The following PTPRC variants were observed in gnomAD, a reference collection of about 807,000 sequenced individuals.
PTPRC encodes protein tyrosine phosphatase receptor type C, also known as receptor-type tyrosine-protein phosphatase C.
A neutral mutation model predicts 155.9 loss-of-function variants in PTPRC; 44 were observed. The ratio of observed to expected loss-of-function variants is 0.28; its 90% CI spans 0.22 to 0.36. The LOEUF (loss-of-function observed/expected upper bound fraction) is 0.36. PTPRC is among the 10% of genes least tolerant of loss of function. PTPRC has a pLI of 1.00. For missense variants in PTPRC, 1,401 were observed against 1,564.6 expected, an observed-to-expected ratio of 0.90 and a Z score of 1.76; for synonymous variants, 525 against 533.1, an observed-to-expected ratio of 0.98 and a Z score of 0.21.
At chr1:198,734,277 A>G in intron 21 of PTPRC, 45 bp downstream of exon 21, 1 of 1,609,218 alleles carries the variant, frequency 6.2e-7, no homozygotes, top group Non-Finnish European at 8.5e-7. Context: ...AAATTTTTAT[A>G]GCACTTTTAA....
intron 6 of PTPRC, 104 bp from the exon 7 acceptor site, chr1:198,703,194 G>T (rs937549953): frequency 9.2e-6 from 14 of 1,528,058 alleles, no homozygotes; most frequent in Non-Finnish European, 1.2e-5. Flanking sequence ...AGGACTCCTA[G>T]AGCAAAGATG....
intron 14 of PTPRC, among the ~76,000 whole-genome samples, chr1:198,721,998 C>T (rs1653911584): frequency 6.6e-6 from 1 of 150,892 alleles, no homozygotes; most frequent in Admixed American, 6.6e-5. Context: ...TCCATTTGCC[C>T]TTAAAAAAAT....
chr1:198,684,573 GAGTA>G (rs1463096930), intron 2 of PTPRC, among the ~76,000 whole-genome samples: 1 of 151,880 alleles, frequency 6.6e-6, no homozygotes, highest in African/African-American at 2.4e-5. Context: ...ATAAGGCCTA[GAGTA>G]AGTAAGAACA....
At chr1:198,689,626 C>T (rs990135113) in intron 2 of PTPRC, among the ~76,000 whole-genome samples, 3 of 152,132 alleles carry the variant, frequency 2.0e-5, no homozygotes, top group African/African-American at 4.8e-5. Flanking sequence ...TTTTCAAGGC[C>T]TACAGTGCTT....
At chr1:198,693,841 C>T (rs373314195) in intron 3 of PTPRC, among the ~76,000 whole-genome samples, 2 of 152,110 alleles carry the variant, frequency 1.3e-5, no homozygotes, top group African/African-American at 2.4e-5. Flanking sequence ...TTCTCCCTAC[C>T]CCTGGGACTG....
At chr1:198,644,486 C>T (rs1662827003) in intron 2 of PTPRC, among the ~76,000 whole-genome samples, 2 of 151,888 alleles carry the variant, frequency 1.3e-5, no homozygotes, top group African/African-American at 4.8e-5. Context: ...TAGAAAATAT[C>T]TAATTATTGT....
intron 2 of PTPRC, among the ~76,000 whole-genome samples, chr1:198,689,879 T>C (rs1256391827): frequency 1.3e-5 from 2 of 152,158 alleles, no homozygotes; most frequent in Non-Finnish European, 2.9e-5. Context: ...GACTAAAATG[T>C]CATTGCAGAT....
At position 198,689,284 on chromosome 1, in the gene PTPRC, A is replaced by T. The variant is rs536811013; in HGVS notation, c.74-3063A>T. The stretch of plus-strand genomic sequence containing the variant: ...GATGAATAGTGTACTGGTTGGAAAC[A>T]GTTCTAGTATATTTACTCAGGCATT... On this transcript the variant is annotated intron_variant, in intron 2 of 32. Transcript: ENST00000442510. 1.6e-4 allele frequency among the ~76,000 whole-genome samples: 24 copies of T among 152,318 alleles called. No individual in the cohort carries two copies. The South Asian group carries it at 4.8e-3, about 30-fold the overall frequency.
At chr1:198,642,212 C>A (rs947024521) in intron 2 of PTPRC, among the ~76,000 whole-genome samples, 1 of 151,926 alleles carries the variant, frequency 6.6e-6, no homozygotes, top group African/African-American at 2.4e-5. Flanking sequence ...TTGTTCTGGA[C>A]TATTTGCTAT....
At chr1:198,728,540 AAT>A in intron 16 of PTPRC, 92 bp downstream of exon 16, 2 of 1,482,548 alleles carry the variant, frequency 1.3e-6, no homozygotes, top group South Asian at 2.4e-5. Flanking sequence ...AGTTAAATGA[AAT>A]ATGTGAACTA....
chr1:198,697,528 T>G (rs1421305769), intron 4 of PTPRC, among the ~76,000 whole-genome samples: 1 of 152,198 alleles, frequency 6.6e-6, no homozygotes, highest in African/African-American at 2.4e-5. Context: ...ATGCAAGAGA[T>G]ATTTTTGCCA....
chr1:198,728,443 A>G lies in PTPRC; in HGVS notation c.1824A>G (p.Arg608=), dbSNP rs1274052988. ...AAATCTATGATCTACATAAGAAAAGATCCTGGTAAGAGTTGATTTTAAATT... is the reference window on the plus strand; with the variant it reads ...AAATCTATGATCTACATAAGAAAAGGTCCTGGTAAGAGTTGATTTTAAATT... ...LYKIYDLHKK[R]SCNLDEQQEL... is the part of the protein sequence containing the mutation. Residue 608 remains arginine (R), a synonymous_variant, in exon 16 of 33, where the codon AGA becomes AGG. Coordinates refer to ENST00000442510, the MANE Select transcript of PTPRC (RefSeq NM_002838.5). 1.2e-6 allele frequency: 2 copies of G among 1,612,216 alleles called. No homozygotes were observed. The highest frequency in any genetic ancestry group is 1.7e-6 in the Non-Finnish European group (2 of 1,179,144).
At chr1:198,709,573 G>T (rs1653178801) in intron 10 of PTPRC, 114 bp from the exon 11 acceptor site, 4 of 925,944 alleles carry the variant, frequency 4.3e-6, no homozygotes, top group Non-Finnish European at 5.8e-6. Context: ...AATTTCCACA[G>T]ATGTTTCAAT....
At chr1:198,654,200 G>A (rs999334802) in intron 2 of PTPRC, among the ~76,000 whole-genome samples, 2 of 151,816 alleles carry the variant, frequency 1.3e-5, no homozygotes, top group African/African-American at 4.8e-5. Context: ...AGCCACAGAT[G>A]TTTTCCTTTA....
chr1:198,666,202 C>T (rs899678503), intron 2 of PTPRC, among the ~76,000 whole-genome samples: 2 of 145,084 alleles, frequency 1.4e-5, no homozygotes, highest in East Asian at 4.0e-4. Flanking sequence ...CACTGCACTC[C>T]AGCATTCTAG....
chr1:198,719,535 T>C (rs1301091113), intron 14 of PTPRC, among the ~76,000 whole-genome samples: 1 of 152,190 alleles, frequency 6.6e-6, no homozygotes, highest in African/African-American at 2.4e-5. Context: ...CCATAGTTAA[T>C]TTTTTAATAT....
intron 2 of PTPRC, among the ~76,000 whole-genome samples, chr1:198,668,219 T>C (rs1664434492): frequency 6.6e-6 from 1 of 152,102 alleles, no homozygotes; most frequent in Non-Finnish European, 1.5e-5. Context: ...TTTTTTTTTA[T>C]TTTTGTTTTA....
At chr1:198,737,500 G>T (rs57522890) in intron 23 of PTPRC, among the ~76,000 whole-genome samples, 27,985 of 151,072 alleles carry the variant, frequency 0.19, 3,125 homozygotes, top group African/African-American at 0.29. Flanking sequence ...TGAGTCCACT[G>T]TAGAGTTGTT....
intron 14 of PTPRC, among the ~76,000 whole-genome samples, chr1:198,718,542 T>G (rs1571866812): frequency 6.6e-6 from 1 of 152,226 alleles, no homozygotes. Flanking sequence ...GACTTAATTA[T>G]AGCTAAATTA....
Sources: gnomAD v4.1 joint callset for allele counts (sites outside exome capture counted in the v4.1 genomes callset) on GRCh38, gnomAD v4.1.1 for gene constraint, MANE v1.5 for transcripts, NCBI Gene and HGNC (gene_info 2026-07-23, HGNC 2026-07-21) for gene names.